The following PDZD4 variants were observed in gnomAD, a reference collection of about 807,000 sequenced individuals.
PDZD4 encodes PDZ domain containing 4.
Under a neutral mutation model 38.5 loss-of-function variants are expected in PDZD4, and 9 were observed. That is an observed-to-expected ratio of 0.23 (90% CI 0.14 to 0.41). PDZD4 has a LOEUF of 0.41. PDZD4 is among the 10% of genes least tolerant of loss of function. The pLI is 1.00. For missense variants in PDZD4, 612 were observed against 722.0 expected, an observed-to-expected ratio of 0.85 and a Z score of 1.75; for synonymous variants, 349 against 315.7, an observed-to-expected ratio of 1.11 and a Z score of -1.12.
At chrX:153,816,413 G>A (rs782283926) in intron 1 of PDZD4, among the ~76,000 whole-genome samples, 1 of 109,005 alleles carries the variant, frequency 9.2e-6, no homozygotes, top group African/African-American at 3.3e-5. Context: ...TGGGTGGGGC[G>A]TGTGCTGGGG....
rs1557075837 is a variant in PDZD4 at position 153,804,115 on chromosome X, C to T, written c.1566G>A (p.Lys522=). ...PPGPAVATPA[K]AAPPPGSPAK... Reference sequence around the variant, plus strand: ...CGGGGCTCCCCGGTGGAGGAGCTGCCTTGGCGGGGGTGGCAACAGCGGGGC... The same window carrying T: ...CGGGGCTCCCCGGTGGAGGAGCTGCTTTGGCGGGGGTGGCAACAGCGGGGC... Residue 522 remains lysine, a synonymous_variant, in exon 8 of 8, where the codon AAG becomes AAA. Transcript: ENST00000393758. The T allele has an allele frequency of 8.7e-7, 1 of 1,151,411 alleles. No homozygotes were observed. Among genetic ancestry groups the T allele is most frequent in the East Asian group, 3.3e-5 (1 of 30,714 alleles). The allele number at this position is 1,151,411 out of a possible 1,213,427, so 94.9% of individuals were successfully genotyped here. A position where few individuals can be genotyped will look rare whatever the true frequency, so the allele number is the denominator to read the frequency against.
chrX:153,806,606 G>A (rs782691394), intron 4 of PDZD4, 136 bp downstream of exon 4: 14 of 533,931 alleles, frequency 2.6e-5, no homozygotes, highest in Admixed American at 1.2e-4. Flanking sequence ...TGAAGCCGTC[G>A]ACCATCATCG....
rs782390537 is a variant in PDZD4 at position 153,804,456 on chromosome X, C to G, written c.1225G>C (p.Glu409Gln). ...AATTCCAGGTGCCTTAGCTCCTCCT[C>G]CAGCATGGCCATCTCGTGGCCCAGG... is the stretch of plus-strand genomic sequence containing the variant. ...ESLGHEMAML[E>Q]EELRHLEFKC... Residue 409 changes from glutamate to glutamine, a missense_variant, in exon 8 of 8, where the codon GAG (glutamate) becomes CAG (glutamine). Glu to Gln is a conservative substitution (Grantham distance 29). Transcript: ENST00000393758. 1 of 1,210,279 alleles carries G rather than the reference C, an allele frequency of 8.3e-7. No individual in the cohort carries two copies. The highest frequency in any genetic ancestry group is 1.1e-6 in the Non-Finnish European group (1 of 895,612).
chrX:153,822,295 T>C (rs1216557669), intron 1 of PDZD4, among the ~76,000 whole-genome samples: 1 of 109,591 alleles, frequency 9.1e-6, no homozygotes, highest in East Asian at 2.9e-4. Flanking sequence ...TTCGGGTACA[T>C]ATTCACAGCT....
At chrX:153,808,779 T>C (rs1445381942) in intron 1 of PDZD4, among the ~76,000 whole-genome samples, 184 bp from the exon 2 acceptor site, 2 of 113,027 alleles carry the variant, frequency 1.8e-5, no homozygotes, top group Non-Finnish European at 3.8e-5. Context: ...CAAGCCCCAC[T>C]GCTCAGCCTT....
At chrX:153,821,916 G>A (rs1188613976) in intron 1 of PDZD4, among the ~76,000 whole-genome samples, 3 of 111,500 alleles carry the variant, frequency 2.7e-5, no homozygotes, top group South Asian at 3.7e-4. Flanking sequence ...GAGGCCGGGC[G>A]CGGTGGCTCA....
intron 1 of PDZD4, among the ~76,000 whole-genome samples, chrX:153,810,749 G>A (rs2064302014): frequency 8.9e-6 from 1 of 112,206 alleles, no homozygotes; most frequent in African/African-American, 3.2e-5. Context: ...GAGTCTTTTC[G>A]GGAAGACAGC....
chrX:153,809,025 C>T (rs938673387), intron 1 of PDZD4, among the ~76,000 whole-genome samples: 88 of 112,987 alleles, frequency 7.8e-4, no homozygotes, highest in African/African-American at 2.7e-3. Flanking sequence ...TAACAGCCAA[C>T]ACTCAGTGAG....
chrX:153,803,408 C>T lies in PDZD4; in HGVS notation c.2273G>A (p.Arg758His). Residue 758 changes from arginine to histidine, a missense_variant, in exon 8 of 8, where the codon CGC (arginine) becomes CAC (histidine). Arg to His is a conservative substitution (Grantham distance 29, BLOSUM62 0). Coordinates refer to ENST00000393758, the MANE Select transcript of PDZD4 (RefSeq NM_001303512.2). ...GTAGACCCGCTTGCCATCGGCGGAG[C>T]GCGCGCCGTGGGCCAGCATCTCCTG... is the stretch of plus-strand genomic sequence containing the variant. ...TIQEMLAHGA[R>H]SADGKRVYNP... 8.7e-7 allele frequency: 1 copy of T among 1,144,206 alleles called. No individual in the cohort carries two copies. Among genetic ancestry groups the T allele is most frequent in the Non-Finnish European group, 1.2e-6 (1 of 864,486 alleles). 94.3% of individuals were successfully genotyped at this position (1,144,206 alleles called of 1,213,427 possible). A position where few individuals can be genotyped will look rare whatever the true frequency, so the allele number is the denominator to read the frequency against.
intron 5 of PDZD4, 36 bp downstream of exon 5, chrX:153,806,035 G>A (rs1375428115): frequency 1.7e-6 from 2 of 1,203,428 alleles, no homozygotes; most frequent in Non-Finnish European, 2.2e-6. Context: ...GGCACAGCGG[G>A]GCCTTGGGCC....
chrX:153,806,625 C>G (rs149772496), intron 4 of PDZD4, 117 bp downstream of exon 4: 4 of 636,766 alleles, frequency 6.3e-6, no homozygotes, highest in Admixed American at 2.5e-5. Context: ...CGCCTCACCA[C>G]GCAGCACCCT....
intron 1 of PDZD4, among the ~76,000 whole-genome samples, chrX:153,814,714 C>T (rs782187440): frequency 4.2e-4 from 47 of 111,091 alleles, no homozygotes; most frequent in African/African-American, 1.5e-3. Context: ...ACCTGAAGCC[C>T]ACTCAAATGC....
intron 1 of PDZD4, among the ~76,000 whole-genome samples, chrX:153,817,858 C>G (rs782116695): frequency 8.9e-6 from 1 of 112,139 alleles, no homozygotes; most frequent in Admixed American, 9.4e-5. Flanking sequence ...TCCAGTGCCC[C>G]ACTCCAAATG....
chrX:153,830,441 A>T lies in PDZD4; in HGVS notation c.-143T>A. 2 of 442,504 alleles carry T rather than the reference A, an allele frequency of 4.5e-6. No homozygotes were observed. Among genetic ancestry groups the T allele is most frequent in the Non-Finnish European group, 7.6e-6 (2 of 263,313 alleles). 36.5% of individuals were successfully genotyped at this position (442,504 alleles called of 1,213,427 possible). A position where few individuals can be genotyped will look rare whatever the true frequency, so the allele number is the denominator to read the frequency against. ...GGGCCGCCTAGCGGGGGAGGGGGGC[A>T]CGCCCCCGAGGTGGGGGCAGCGGCT... On this transcript the variant is annotated 5_prime_UTR_variant, in exon 1 of 8. Transcript: ENST00000393758.
intron 6 of PDZD4, 140 bp from the exon 7 acceptor site, chrX:153,805,347 A>G (rs781867051): frequency 1.4e-6 from 1 of 696,647 alleles, no homozygotes; most frequent in East Asian, 3.5e-5. Context: ...CTCAGCCTTC[A>G]GAGGCCAGGA....
intron 1 of PDZD4, among the ~76,000 whole-genome samples, chrX:153,818,278 C>T (rs781911529): frequency 9.2e-6 from 1 of 108,717 alleles, no homozygotes; most frequent in Admixed American, 9.9e-5. Flanking sequence ...TGAAGCTGGG[C>T]GTGGTGTCTC....
In PDZD4 at chrX:153,803,693, C is replaced by T. The variant is rs2092190693; in HGVS notation, c.1988G>A (p.Arg663His). Residue 663 changes from arginine (R) to histidine (H), a missense_variant, in exon 8 of 8, where the codon CGC becomes CAC. Transcript: ENST00000393758. ...GTCGTCGTCGGTCGTCATACCGCTG[C>T]GCTCCTCCCGGATCTTCAGGGCACG... is the stretch of plus-strand genomic sequence containing the variant. ...KARALKIREE[R>H]SGMTTDDDAV... is the part of the protein sequence containing the mutation. The T allele has an allele frequency of 8.3e-7, 1 of 1,210,315 alleles. No homozygotes were observed. Among genetic ancestry groups the T allele is most frequent in the Non-Finnish European group, 1.1e-6 (1 of 895,570 alleles).
chrX:153,818,805 C>A (rs2064388748), intron 1 of PDZD4, among the ~76,000 whole-genome samples: 1 of 109,776 alleles, frequency 9.1e-6, no homozygotes, highest in Admixed American at 9.6e-5. Flanking sequence ...GGCTGAATAC[C>A]GATGGAAGAG....
At chrX:153,806,253 C>G (rs782064829) in intron 4 of PDZD4, 120 bp from the exon 5 acceptor site, 9 of 704,089 alleles carry the variant, frequency 1.3e-5, no homozygotes, top group Non-Finnish European at 1.8e-5. Flanking sequence ...CCTTCCAGCT[C>G]TGAGCCCCAG....
Sources: gnomAD v4.1 joint callset for allele counts (sites outside exome capture counted in the v4.1 genomes callset) on GRCh38, gnomAD v4.1.1 for gene constraint, MANE v1.5 for transcripts, NCBI Gene and HGNC (gene_info 2026-07-23, HGNC 2026-07-21) for gene names.